PARP15: variants seen among roughly 807,000 people sequenced by gnomAD.
The protein encoded by PARP15 is poly(ADP-ribose) polymerase family member 15.
In PARP15, 50 loss-of-function variants were observed where a neutral mutation model predicts 62.1. That is an observed-to-expected ratio of 0.81 (90% CI 0.64 to 1.02). PARP15 has a LOEUF of 1.02. Ranked by LOEUF, PARP15 falls within the 50% of genes least tolerant of loss-of-function variation. The pLI is 0.00. For missense variants in PARP15, 820 were observed against 826.5 expected (o/e 0.99, Z 0.10); for synonymous variants, 309 against 293.1 (o/e 1.05, Z -0.55).
At chr3:122,600,975 C>T (rs1934739335) in intron 1 of PARP15, among the ~76,000 whole-genome samples, 1 of 149,732 alleles carries the variant, frequency 6.7e-6, no homozygotes, top group African/African-American at 2.5e-5. Context: ...AACTAATGTC[C>T]ATAGTTTAGA....
At chr3:122,635,744 T>C (rs1937321929) in intron 11 of PARP15, 67 bp from the exon 12 acceptor site, 2 of 1,504,144 alleles carry the variant, frequency 1.3e-6, no homozygotes, top group Non-Finnish European at 1.8e-6. Context: ...TTTTGTCAGA[T>C]TGGGCATGGT....
At chr3:122,615,885 A>G (rs1559969645) in intron 5 of PARP15, 28 bp downstream of exon 5, 2 of 1,586,904 alleles carry the variant, frequency 1.3e-6, no homozygotes, top group Non-Finnish European at 1.7e-6. Context: ...TGCTAAGGAA[A>G]TATTTCCTTT....
chr3:122,586,366 C>T (rs893190212), intron 1 of PARP15, among the ~76,000 whole-genome samples: 1 of 152,056 alleles, frequency 6.6e-6, no homozygotes, highest in Non-Finnish European at 1.5e-5. Context: ...ACCACCATGC[C>T]CAGCTAATTT....
At chr3:122,612,037 A>AC (rs1378061813) in intron 3 of PARP15, among the ~76,000 whole-genome samples, 5 of 113,328 alleles carry the variant, frequency 4.4e-5, no homozygotes, top group African/African-American at 2.9e-4. Context: ...CTTAGTTGAG[A>AC]TTCTCTTTCT....
Position 122,610,660 on chromosome 3 carries a change from A to G in PARP15, c.473A>G (p.Asn158Ser), listed in dbSNP as rs1559960221. 1 of 1,551,206 alleles carries G rather than the reference A, an allele frequency of 6.4e-7. No homozygotes were observed. The highest frequency in any genetic ancestry group is 8.7e-7 in the Non-Finnish European group (1 of 1,146,676). ...AACATATTCATGACAAGCGGCTGCA[A>G]TCTGGACTGCAAAGCTGTGCTCCAT... is the stretch of plus-strand genomic sequence containing the variant. ...VGNIFMTSGCNLDCKAVLHAV... is the reference protein window; with the variant it reads ...VGNIFMTSGCSLDCKAVLHAV... The change falls in exon 3 of 12, where the codon AAT becomes AGT. Residue 158 changes from asparagine to serine, a missense_variant. Transcript: ENST00000464300.
rs753511452 is a variant in PARP15, at chr3:122,577,734, A to C, written c.67A>C (p.Met23Leu). ...SPGAPTPRELMHGVAGVTSRA... is the reference protein window; with the variant it reads ...SPGAPTPRELLHGVAGVTSRA... ...AGGGGCTCCGACCCCCAGAGAACTT[A>C]TGCACGGAGTTGCAGGTGTTACTTC... is the stretch of plus-strand genomic sequence containing the variant. Residue 23 changes from methionine to leucine, a missense_variant, in exon 1 of 12, where the codon ATG (methionine) becomes CTG (leucine). By Grantham distance (15) the Met-to-Leu change is conservative. Around this residue, in one of 3 missense-constraint regions of PARP15, gnomAD observed 731 missense variants for 727.7 expected, o/e 1.00. Coordinates refer to ENST00000464300, the MANE Select transcript of PARP15 (RefSeq NM_001113523.3). 2.4e-5 allele frequency: 37 copies of C among 1,551,556 alleles called. No individual in the cohort carries two copies. The highest frequency in any genetic ancestry group is 3.0e-5 in the Non-Finnish European group (34 of 1,146,994).
chr3:122,626,299 C>T (rs554496516), intron 8 of PARP15, among the ~76,000 whole-genome samples: 3 of 150,800 alleles, frequency 2.0e-5, no homozygotes, highest in South Asian at 4.2e-4. Context: ...CCCAGGTTCA[C>T]GCCATTCTCC....
intron 10 of PARP15, among the ~76,000 whole-genome samples, chr3:122,634,210 T>A (rs1046696516): frequency 3.9e-5 from 6 of 152,218 alleles, no homozygotes; most frequent in Admixed American, 1.3e-4. Context: ...ACACAGGTTA[T>A]CTGGAGCCCC....
intron 2 of PARP15, among the ~76,000 whole-genome samples, chr3:122,607,238 G>A (rs908558300): frequency 1.3e-5 from 2 of 152,220 alleles, no homozygotes; most frequent in Non-Finnish European, 2.9e-5. Flanking sequence ...AGAGTGATTG[G>A]TGAGTGATAT....
rs1440455176 is a variant in PARP15 at position 122,626,960 on chromosome 3, A to G, written c.1365A>G (p.Ile455Met). ...VVIFQPELLN[I>M]FYDSMKKRDL... ...TTTTTCAACCTGAGCTGCTAAATAT[A>G]TTCTACGACAGCATGAAAAAAAGAG... is the stretch of plus-strand genomic sequence containing the variant. The change falls in exon 9 of 12, where the codon ATA (isoleucine) becomes ATG (methionine). Residue 455 changes from isoleucine to methionine, a missense_variant. This residue lies in a region of PARP15 where 731 missense variants were observed against 727.7 expected (regional missense o/e 1.00). Transcript: ENST00000464300. 3 of 1,614,002 alleles carry G rather than the reference A, an allele frequency of 1.9e-6. No homozygotes were observed. Among genetic ancestry groups the G allele is most frequent in the Admixed American group, 1.7e-5 (1 of 60,006 alleles).
intron 1 of PARP15, among the ~76,000 whole-genome samples, chr3:122,584,588 T>C (rs76799979): frequency 1.8e-4 from 25 of 141,850 alleles, no homozygotes; most frequent in African/African-American, 4.6e-4. Context: ...TTTTTTTTTT[T>C]CCGAGATGGA....
At chr3:122,626,695 G>C (rs1049285480) in intron 8 of PARP15, 132 bp from the exon 9 acceptor site, 26 of 727,464 alleles carry the variant, frequency 3.6e-5, no homozygotes, top group Middle Eastern at 7.7e-4. Context: ...ACACCAACTA[G>C]CTGTGAGTGT....
At chr3:122,622,564 C>T (rs1166832910) in intron 8 of PARP15, among the ~76,000 whole-genome samples, 8 of 152,178 alleles carry the variant, frequency 5.3e-5, no homozygotes, top group East Asian at 1.9e-4. Context: ...ATCTCCCAGC[C>T]GGCTCCTCAT....
At position 122,610,718 on chromosome 3, in the gene PARP15, G is replaced by T. The variant is rs1935503369; in HGVS notation, c.531G>T (p.Glu177Asp). Residue 177 changes from glutamate (E) to aspartate (D), a missense_variant, in exon 3 of 12, where the codon GAG (glutamate) becomes GAT (aspartate). Transcript: ENST00000464300. The part of the protein sequence containing the change: ...AVAPYWNNGA[E>D]TSWQIMANII... ...CTCCATACTGGAATAATGGAGCAGA[G>T]ACTTCTTGGCAGGTAGGGAACGCTC... The T allele has an allele frequency of 1.3e-6, 2 of 1,519,758 alleles. No individual in the cohort carries two copies. Among genetic ancestry groups the T allele is most frequent in the East Asian group, 2.5e-5 (1 of 40,722 alleles). The allele number at this position is 1,519,758 out of a possible 1,614,324, so 94.1% of individuals were successfully genotyped here.
chr3:122,611,075 G>A (rs1935532953), intron 3 of PARP15, among the ~76,000 whole-genome samples: 1 of 152,076 alleles, frequency 6.6e-6, no homozygotes, highest in Non-Finnish European at 1.5e-5. Flanking sequence ...AACATTCATT[G>A]GGATTCTACA....
At chr3:122,613,351 G>C in intron 4 of PARP15, 83 bp downstream of exon 4, 1 of 1,221,398 alleles carries the variant, frequency 8.2e-7, no homozygotes, top group Non-Finnish European at 1.2e-6. Flanking sequence ...AGGAATAACC[G>C]TGTTTTCTAA....
intron 2 of PARP15, among the ~76,000 whole-genome samples, chr3:122,608,888 T>C (rs1935365860): frequency 6.6e-6 from 1 of 151,728 alleles, no homozygotes; most frequent in Admixed American, 6.6e-5. Context: ...CCACCTCAGC[T>C]TTCCAAGTAG....
chr3:122,616,156 C>T (rs913806031), intron 5 of PARP15, among the ~76,000 whole-genome samples: 3 of 152,078 alleles, frequency 2.0e-5, no homozygotes, highest in African/African-American at 7.2e-5. Context: ...TATTATTTAA[C>T]GTGTACAATG....
intron 1 of PARP15, among the ~76,000 whole-genome samples, chr3:122,590,155 G>A (rs7640447): frequency 0.52 from 78,332 of 151,190 alleles, 20,468 homozygotes; most frequent in African/African-American, 0.57. Context: ...CAAAGTGCTG[G>A]GATTACAGGC....
Sources: gnomAD v4.1 joint callset for allele counts (sites outside exome capture counted in the v4.1 genomes callset) on GRCh38, gnomAD v4.1.1 for gene constraint, gnomAD v4.1.1 regional missense constraint, MANE v1.5 for transcripts, NCBI Gene and HGNC (gene_info 2026-07-23, HGNC 2026-07-21) for gene names.